Variants in OR4K1 observed in about 807,000 individuals in gnomAD.
OR4K1 encodes the protein olfactory receptor family 4 subfamily K member 1.
A neutral mutation model predicts 14.4 loss-of-function variants in OR4K1; 16 were observed. The ratio of observed to expected loss-of-function variants is 1.11; its 90% CI spans 0.75 to 1.68. The LOEUF (loss-of-function observed/expected upper bound fraction) is 1.68. OR4K1 is among the 40% of genes most tolerant of loss of function. The pLI is 0.00. For synonymous variants in OR4K1, 181 were observed against 133.1 expected, an observed-to-expected ratio of 1.36 and a Z score of -2.48; for missense variants, 548 against 376.9, an observed-to-expected ratio of 1.45 and a Z score of -3.76.
the OR4K1 span, chr14:19,921,586 C>T: frequency 2.5e-6 from 4 of 1,602,194 alleles, no homozygotes; most frequent in East Asian, 4.5e-5. Flanking sequence ...TAAGACAAAA[C>T]TCCTTCAAAT....
At position 19,935,930 on chromosome 14, in the gene OR4K1, G is replaced by A. The variant is rs754293937; in HGVS notation, c.264G>A (p.Glu88=). The part of the protein sequence containing the change: ...TPKMLVDFFI[E]RKTISFEGCM... ...AGATGCTTGTAGACTTTTTTATTGA[G>A]CGCAAGACTATCTCCTTTGAGGGTT... Residue 88 remains glutamate, a synonymous_variant, in exon 2 of 2, where the codon GAG becomes GAA. Coordinates refer to ENST00000641172, the MANE Select transcript of OR4K1 (RefSeq NM_001004063.3). 2.5e-6 allele frequency: 4 copies of A among 1,614,014 alleles called. No individual in the cohort carries two copies. The African/African-American group carries it at 5.3e-5, about 22-fold the overall frequency.
At chr14:19,933,594 T>C (rs1423056158) in intron 1 of OR4K1, among the ~76,000 whole-genome samples, 1 of 152,154 alleles carries the variant, frequency 6.6e-6, no homozygotes, top group Non-Finnish European at 1.5e-5. Flanking sequence ...CTTAGGTTTC[T>C]GCATTCTTTT....
At chr14:19,926,995 C>A (rs553606906), upstream of OR4K1, among the ~76,000 whole-genome samples, 4 of 152,340 alleles carry the variant, frequency 2.6e-5, no homozygotes, top group Admixed American at 1.3e-4. Flanking sequence ...AAAAGCACTG[C>A]TCATCATGAA....
chr14:19,936,530 T>G lies in OR4K1; in HGVS notation c.864T>G (p.Ser288=), dbSNP rs1239426579. The G allele has an allele frequency of 6.2e-7, 1 of 1,612,938 alleles. No homozygotes were observed. The highest frequency in any genetic ancestry group is 1.1e-5 in the South Asian group (1 of 90,858). Residue 288 remains serine (S), a synonymous_variant, in exon 2 of 2, where the codon TCT becomes TCG. Transcript: ENST00000641172. ...CTPLLNPIIY[S]LRNEDVKAAM... ...CCTTGTTGAACCCCATCATCTACTC[T>G]CTGAGGAATGAAGATGTTAAAGCAG... is the stretch of plus-strand genomic sequence containing the variant.
upstream of OR4K1, among the ~76,000 whole-genome samples, chr14:19,928,824 C>T (rs939537614): frequency 1.3e-5 from 2 of 152,220 alleles, no homozygotes; most frequent in East Asian, 1.9e-4. Context: ...TGCATCTGCT[C>T]ATTTTTCTAC....
the OR4K1 span, among the ~76,000 whole-genome samples, chr14:19,924,829 A>G: frequency 6.6e-6 from 1 of 152,264 alleles, no homozygotes; most frequent in Admixed American, 6.5e-5. Flanking sequence ...TAATGCTAAG[A>G]GCAATGAATT....
At position 19,936,223 on chromosome 14, in the gene OR4K1, AG is replaced by A; in HGVS notation, c.558del (p.Glu186AspfsTer13). The A allele has an allele frequency of 6.2e-7, 1 of 1,614,206 alleles. No individual in the cohort carries two copies. Among genetic ancestry groups the A allele is most frequent in the Non-Finnish European group, 8.5e-7 (1 of 1,180,028 alleles). On this transcript the variant is annotated frameshift_variant, in exon 2 of 2. Coordinates refer to ENST00000641172, the MANE Select transcript of OR4K1 (RefSeq NM_001004063.3). LOFTEE classifies it high-confidence loss of function. ...SFFCDLPLVI[E>X]LACMDTYEME... The stretch of plus-strand genomic sequence containing the variant: ...TTTTGTGACCTTCCCTTGGTGATAG[AG>A]CTGGCTTGCATGGATACATATGAAA...
chr14:19,936,661 G>A lies in OR4K1; in HGVS notation c.*59G>A. The A allele has an allele frequency of 6.9e-7, 1 of 1,449,860 alleles. No homozygotes were observed. The highest frequency in any genetic ancestry group is 9.3e-7 in the Non-Finnish European group (1 of 1,077,068). The allele number at this position is 1,449,860 out of a possible 1,614,324, so 89.8% of individuals were successfully genotyped here. On this transcript the variant is annotated 3_prime_UTR_variant, in exon 2 of 2. Coordinates refer to ENST00000641172, the MANE Select transcript of OR4K1 (RefSeq NM_001004063.3). ...AATGAAGACCCTCCAGTGTATCATA[G>A]TGTCATGCCAACCATCTTTGCCAGA...
At chr14:19,922,236 G>T in the OR4K1 span, among the ~76,000 whole-genome samples, 1 of 152,336 alleles carries the variant, frequency 6.6e-6, no homozygotes, top group East Asian at 1.9e-4. Context: ...ATTATGAGTT[G>T]CAGAAAAGAG....
At chr14:19,920,440 C>G in the OR4K1 span, 11 of 723,432 alleles carry the variant, frequency 1.5e-5, no homozygotes, top group Non-Finnish European at 2.0e-5. Flanking sequence ...ATCCACCTAT[C>G]CAGACATACT....
intron 1 of OR4K1, among the ~76,000 whole-genome samples, chr14:19,934,597 G>A (rs1477543774): frequency 1.3e-5 from 2 of 152,250 alleles, no homozygotes; most frequent in Admixed American, 6.5e-5. Flanking sequence ...GAAATTTTCA[G>A]AGTGTAACCA....
chr14:19,936,619 G>C lies in OR4K1; in HGVS notation c.*17G>C, dbSNP rs544780291. The C allele has an allele frequency of 1.9e-6, 3 of 1,566,750 alleles. No individual in the cohort carries two copies. Among genetic ancestry groups the C allele is most frequent in the Non-Finnish European group, 2.6e-6 (3 of 1,157,286 alleles). On this transcript the variant is annotated 3_prime_UTR_variant, in exon 2 of 2. Transcript: ENST00000641172. ...AAAAACTAGGGATCATTACGAAGGAGCATAATCCTGAATTAGAATGAAGAC... is the reference window on the plus strand; with the variant it reads ...AAAAACTAGGGATCATTACGAAGGACCATAATCCTGAATTAGAATGAAGAC...
the OR4K1 span, chr14:19,921,431 C>T: frequency 1.2e-6 from 2 of 1,614,016 alleles, no homozygotes. Flanking sequence ...CCATATTTTA[C>T]ACTGTTTTCA....
chr14:19,933,252 C>T (rs1222410301), intron 1 of OR4K1, among the ~76,000 whole-genome samples: 3 of 151,698 alleles, frequency 2.0e-5, no homozygotes, highest in African/African-American at 7.3e-5. Flanking sequence ...GCTTAATAAC[C>T]TATGAAAATA....
At chr14:19,934,611 G>T (rs1198488402) in intron 1 of OR4K1, among the ~76,000 whole-genome samples, 4 of 152,144 alleles carry the variant, frequency 2.6e-5, no homozygotes, top group Admixed American at 2.0e-4. Context: ...GTAACCATTG[G>T]CTCTTCCTTC....
the OR4K1 span, chr14:19,921,710 C>A: frequency 2.0e-6 from 2 of 994,920 alleles, no homozygotes; most frequent in South Asian, 1.9e-5. Flanking sequence ...ATTAACAAGT[C>A]TTTTTCTAGG....
chr14:19,936,172 G>T lies in OR4K1; in HGVS notation c.506G>T (p.Cys169Phe). The change falls in exon 2 of 2, where the codon TGT becomes TTT. Residue 169 changes from cysteine (C) to phenylalanine (F), a missense_variant. Transcript: ENST00000641172. ...GCTTTTACAGTGGACCTGCCATTCT[G>T]TGGTCCCAATGAGGTGGATAGCTTC... is the stretch of plus-strand genomic sequence containing the variant. ...HLAFTVDLPF[C>F]GPNEVDSFFC... 1 of 1,614,246 alleles carries T rather than the reference G, an allele frequency of 6.2e-7. No homozygotes were observed. Among genetic ancestry groups the T allele is most frequent in the Non-Finnish European group, 8.5e-7 (1 of 1,180,042 alleles).
chr14:19,935,431 G>A (rs979447880), intron 1 of OR4K1, among the ~76,000 whole-genome samples: 3 of 151,838 alleles, frequency 2.0e-5, no homozygotes, highest in African/African-American at 7.3e-5. Flanking sequence ...ATTATGACAG[G>A]GATTCATATC....
At chr14:19,929,470 CTTTTCTTATTTTTTTTGGTAAAG>C (rs1158668234), upstream of OR4K1, among the ~76,000 whole-genome samples, 1 of 150,574 alleles carries the variant, frequency 6.6e-6, no homozygotes, top group Non-Finnish European at 1.5e-5. Context: ...CACCTTGGAG[CTTTTCTTATTTTTTTTGGTAAAG>C]TTACTTCTGG....
Sources: gnomAD v4.1 joint callset for allele counts (sites outside exome capture counted in the v4.1 genomes callset) on GRCh38, gnomAD v4.1.1 for gene constraint, MANE v1.5 for transcripts, NCBI Gene and HGNC (gene_info 2026-07-23, HGNC 2026-07-21) for gene names.